The following CASS4 variants were observed in gnomAD, a reference collection of about 807,000 sequenced individuals.
The protein encoded by CASS4 is cas scaffolding protein family member 4.
In CASS4, 22 loss-of-function variants were observed where a neutral mutation model predicts 54.2. The observed-to-expected ratio is 0.41, with a 90% CI of 0.29 to 0.58. The LOEUF (loss-of-function observed/expected upper bound fraction) is 0.58. Among genes scored for constraint, CASS4 ranks in the 20% least tolerant of loss-of-function variants. CASS4 has a pLI of 0.36. For synonymous variants in CASS4, 409 were observed against 391.5 expected, an observed-to-expected ratio of 1.04 and a Z score of -0.53; for missense variants, 854 against 986.7, an observed-to-expected ratio of 0.87 and a Z score of 1.80.
At chr20:56,438,176 A>G (rs902599320) in intron 2 of CASS4, among the ~76,000 whole-genome samples, 1 of 151,910 alleles carries the variant, frequency 6.6e-6, no homozygotes, top group Admixed American at 6.6e-5. Context: ...AGTCCCAACT[A>G]CTTAGTGGGA....
chr20:56,417,299 A>G (rs1044081434), intron 1 of CASS4, among the ~76,000 whole-genome samples: 1 of 152,194 alleles, frequency 6.6e-6, no homozygotes, highest in African/African-American at 2.4e-5. Flanking sequence ...CTGGCCCTTC[A>G]GGGCCCATTA....
chr20:56,456,892 C>G (rs1039149283), intron 5 of CASS4, among the ~76,000 whole-genome samples: 3 of 150,532 alleles, frequency 2.0e-5, no homozygotes, highest in Non-Finnish European at 4.4e-5. Flanking sequence ...TCGTATGTTG[C>G]CAAGGCTAGT....
intron 5 of CASS4, among the ~76,000 whole-genome samples, chr20:56,456,409 T>C (rs1600779417): frequency 6.6e-6 from 1 of 151,912 alleles, no homozygotes; most frequent in East Asian, 1.9e-4. Context: ...AGTCTTGCTC[T>C]GTCACCCAGG....
chr20:56,413,851 T>G, intron 1 of CASS4, among the ~76,000 whole-genome samples: 1 of 152,148 alleles, frequency 6.6e-6, no homozygotes, highest in African/African-American at 2.4e-5. Context: ...GTGGGGGTTA[T>G]TCAGTAAATC....
At chr20:56,447,698 T>C (rs1980787302) in intron 3 of CASS4, among the ~76,000 whole-genome samples, 1 of 152,208 alleles carries the variant, frequency 6.6e-6, no homozygotes, top group African/African-American at 2.4e-5. Flanking sequence ...AGGCAGGTCA[T>C]TTCCAGCCAC....
chr20:56,421,074 T>C (rs1386002361), intron 1 of CASS4, among the ~76,000 whole-genome samples: 1 of 152,220 alleles, frequency 6.6e-6, no homozygotes, highest in African/African-American at 2.4e-5. Context: ...TGAACAAGCC[T>C]GAACCTTCAC....
intron 1 of CASS4, among the ~76,000 whole-genome samples, chr20:56,419,380 GAGA>G (rs1159310218): frequency 6.6e-6 from 1 of 152,172 alleles, no homozygotes; most frequent in Non-Finnish European, 1.5e-5. Flanking sequence ...TGAGAAGACT[GAGA>G]AGAATATGCG....
At chr20:56,427,636 A>G (rs1979708954) in intron 1 of CASS4, among the ~76,000 whole-genome samples, 2 of 152,220 alleles carry the variant, frequency 1.3e-5, no homozygotes, top group South Asian at 2.1e-4. Flanking sequence ...AGAATATGTC[A>G]CTGATCTCAA....
At chr20:56,433,787 G>A (rs1356236621) in intron 1 of CASS4, among the ~76,000 whole-genome samples, 1 of 152,134 alleles carries the variant, frequency 6.6e-6, no homozygotes, top group Non-Finnish European at 1.5e-5. Flanking sequence ...GAGGATTTCT[G>A]CTTCACCATG....
intron 3 of CASS4, among the ~76,000 whole-genome samples, chr20:56,450,357 T>C (rs978367235): frequency 4.6e-5 from 7 of 152,302 alleles, no homozygotes; most frequent in African/African-American, 1.2e-4. Context: ...AAGTCCATTG[T>C]TGAATGTATA....
chr20:56,437,957 G>A lies in CASS4; in HGVS notation c.459+371G>A, dbSNP rs1341453559. On this transcript the variant is annotated intron_variant, in intron 2 of 5. Coordinates refer to ENST00000679887, the MANE Select transcript of CASS4 (RefSeq NM_020356.4). The surrounding 1 kb of genome is among the most constrained non-coding windows in gnomAD (Gnocchi z 4.7). The stretch of plus-strand genomic sequence containing the variant: ...CAAATGGGAGGGTGGGGTTTCCATG[G>A]GTTCAGAGGCAAGAAGTTACACATC... 6.6e-6 allele frequency among the ~76,000 whole-genome samples: 1 copy of A among 152,150 alleles called. No homozygotes were observed. The highest frequency in any genetic ancestry group is 1.5e-5 in the Non-Finnish European group (1 of 68,030).
Position 56,458,430 on chromosome 20 carries a change from G to T in CASS4, c.2044G>T (p.Ala682Ser). The change falls in exon 6 of 6, where the codon GCG becomes TCG. Residue 682 changes from alanine (A) to serine (S), a missense_variant. Transcript: ENST00000679887. ...TGAACACTGCCGGCTCTACTTTGGG[G>T]CGCTCTTCAAAGCCATCAGCGCATT... ...LSEHCRLYFGALFKAISAFHG... is the reference protein window; with the variant it reads ...LSEHCRLYFGSLFKAISAFHG... 1.9e-6 allele frequency: 3 copies of T among 1,614,106 alleles called. No individual in the cohort carries two copies. The highest frequency in any genetic ancestry group is 2.5e-6 in the Non-Finnish European group (3 of 1,180,040).
chr20:56,430,082 A>G lies in CASS4; in HGVS notation c.37-7082A>G, dbSNP rs1314017495. Reference sequence around the variant, plus strand: ...GCCCCTGGAATACACGTGATGCTCAATACAATCTTGGTGAATGAATGAATG... The same window carrying G: ...GCCCCTGGAATACACGTGATGCTCAGTACAATCTTGGTGAATGAATGAATG... On this transcript the variant is annotated intron_variant, in intron 1 of 5. Transcript: ENST00000679887. This position sits in a 1 kb window ranked among gnomAD's most constrained non-coding sequence, Gnocchi z 4.2. Among the ~76,000 whole-genome samples the G allele has an allele frequency of 6.6e-6, 1 of 152,212 alleles. No homozygotes were observed. Among genetic ancestry groups the G allele is most frequent in the Non-Finnish European group, 1.5e-5 (1 of 68,042 alleles).
chr20:56,448,140 TCAA>T (rs1423874779), intron 3 of CASS4, among the ~76,000 whole-genome samples: 8 of 98,876 alleles, frequency 8.1e-5, no homozygotes, highest in African/African-American at 5.1e-4. Context: ...AGACTCTGTC[TCAA>T]AAAAAAAAAA....
chr20:56,416,489 A>T (rs1979142982), intron 1 of CASS4, among the ~76,000 whole-genome samples: 1 of 151,978 alleles, frequency 6.6e-6, no homozygotes, highest in African/African-American at 2.4e-5. Flanking sequence ...AATGTACTTT[A>T]GTGATTCAGT....
intron 1 of CASS4, among the ~76,000 whole-genome samples, chr20:56,431,346 A>AT (rs1334757543): frequency 2.6e-5 from 4 of 152,214 alleles, no homozygotes; most frequent in Non-Finnish European, 4.4e-5. Flanking sequence ...TGTAACATTA[A>AT]TATTGATGGT....
chr20:56,437,572 A>G lies in CASS4; in HGVS notation c.445A>G (p.Ser149Gly). 2.0e-6 allele frequency: 3 copies of G among 1,537,692 alleles called. No individual in the cohort carries two copies. The highest frequency in any genetic ancestry group is 2.6e-6 in the Non-Finnish European group (3 of 1,143,194). Residue 149 changes from serine (S) to glycine (G), a missense_variant, in exon 2 of 6, where the codon AGC becomes GGC. Ser to Gly is a moderately conservative substitution (Grantham distance 56). Transcript: ENST00000679887. This position sits in a 1 kb window ranked among gnomAD's most constrained non-coding sequence, Gnocchi z 4.7. Reference sequence around the variant, plus strand: ...CAGAATCATCTGTGAAAAGACTCTCAGCTTTCCAAAACAGGTACGCATACT... The same window carrying G: ...CAGAATCATCTGTGAAAAGACTCTCGGCTTTCCAAAACAGGTACGCATACT... ...SARIICEKTL[S>G]FPKQAILTLP...
chr20:56,449,135 T>C (rs931365551), intron 3 of CASS4, among the ~76,000 whole-genome samples: 3 of 152,214 alleles, frequency 2.0e-5, no homozygotes, highest in African/African-American at 7.2e-5. Context: ...TTATAAATCA[T>C]GCTGCTATAA....
chr20:56,434,103 A>G (rs958497639), intron 1 of CASS4, among the ~76,000 whole-genome samples: 3 of 152,186 alleles, frequency 2.0e-5, no homozygotes, highest in Non-Finnish European at 4.4e-5. Flanking sequence ...ATTAGGGTAC[A>G]AGGAACTGTG....
Sources: allele counts gnomAD v4.1 joint callset (sites outside exome capture counted in the v4.1 genomes callset), GRCh38; gene constraint gnomAD v4.1.1; non-coding constraint Gnocchi (gnomAD v3.1); transcripts MANE v1.5; gene names NCBI Gene and HGNC (gene_info 2026-07-23, HGNC 2026-07-21).